UGGT2: variants seen among roughly 807,000 people sequenced by gnomAD.
UGGT2 encodes UDP-glucose:glycoprotein glucosyltransferase 2.
UGGT2 carries 180 observed loss-of-function variants against 192.1 expected under a neutral mutation model. That is an observed-to-expected ratio of 0.94 (90% CI 0.83 to 1.06). The LOEUF is 1.06. Ranked by LOEUF, UGGT2 falls within the 50% of genes least tolerant of loss-of-function variation. UGGT2 has a pLI of 0.00. For synonymous variants in UGGT2, 580 were observed against 591.0 expected, an observed-to-expected ratio of 0.98 and a Z score of 0.27; for missense variants, 1,849 against 1,795.7, an observed-to-expected ratio of 1.03 and a Z score of -0.54.
chr13:95,980,794 C>T (rs1046367371), intron 10 of UGGT2, among the ~76,000 whole-genome samples: 5 of 152,108 alleles, frequency 3.3e-5, no homozygotes, highest in South Asian at 2.1e-4. Context: ...GTCAGGAGTT[C>T]GTGACCAGCC....
At chr13:95,859,750 G>A in intron 32 of UGGT2, 75 bp from the exon 33 acceptor site, 1 of 1,108,200 alleles carries the variant, frequency 9.0e-7, no homozygotes, top group Non-Finnish European at 1.2e-6. Flanking sequence ...ACCTTGAAGT[G>A]TTTTTTAAAA....
At chr13:95,936,203 C>T (rs2049457793) in intron 17 of UGGT2, among the ~76,000 whole-genome samples, 1 of 152,200 alleles carries the variant, frequency 6.6e-6, no homozygotes, top group African/African-American at 2.4e-5. Flanking sequence ...ATTCTTTCTC[C>T]TGCTTGGTCC....
intron 9 of UGGT2, among the ~76,000 whole-genome samples, chr13:95,985,952 T>C (rs1164631531): frequency 6.6e-6 from 1 of 152,164 alleles, no homozygotes; most frequent in African/African-American, 2.4e-5. Flanking sequence ...TTGGCAGTAC[T>C]TTGGGCATAG....
intron 6 of UGGT2, 99 bp downstream of exon 6, chr13:95,999,112 A>T (rs2051716038): frequency 6.8e-6 from 5 of 740,414 alleles, no homozygotes; most frequent in Non-Finnish European, 1.1e-5. Context: ...GCCTCAAATG[A>T]ACATATGTAG....
chr13:95,866,252 C>T (rs878915736), intron 30 of UGGT2, among the ~76,000 whole-genome samples: 2 of 151,974 alleles, frequency 1.3e-5, no homozygotes, highest in Admixed American at 1.3e-4. Context: ...TTTCATGTTC[C>T]CAGCAATTAT....
chr13:95,851,670 G>A (rs1889059284), intron 36 of UGGT2, among the ~76,000 whole-genome samples: 1 of 152,088 alleles, frequency 6.6e-6, no homozygotes. Flanking sequence ...TTTTACCTAA[G>A]AAAAAAGATA....
At chr13:95,837,297 G>A in intron 36 of UGGT2, 95 bp from the exon 37 acceptor site, 1 of 827,066 alleles carries the variant, frequency 1.2e-6, no homozygotes, top group Non-Finnish European at 2.1e-6. Context: ...ACTGTAAACA[G>A]ATCATAAAAC....
intron 37 of UGGT2, among the ~76,000 whole-genome samples, 169 bp downstream of exon 37, chr13:95,836,917 G>GC (rs1332037788): frequency 3.9e-5 from 6 of 152,260 alleles, no homozygotes; most frequent in Admixed American, 6.5e-5. Context: ...GGTCTTGGGG[G>GC]CCCCCAAAAT....
Position 95,911,092 on chromosome 13 carries a change from G to T in UGGT2, c.2296-8032C>A, listed in dbSNP as rs1377553822. 2.6e-5 allele frequency among the ~76,000 whole-genome samples: 4 copies of T among 152,328 alleles called. No individual in the cohort carries two copies. In the East Asian group the frequency reaches 7.7e-4, roughly 29 times the overall value. The stretch of plus-strand genomic sequence containing the variant: ...CTTTGGGACACATTTAAAGCAGTGT[G>T]TAGAGGGAAATTTATACTACTAAAT... On this transcript the variant is annotated intron_variant, in intron 20 of 38. Coordinates refer to ENST00000376747, the MANE Select transcript of UGGT2 (RefSeq NM_020121.4).
At chr13:95,961,165 A>G (rs770555031) in intron 12 of UGGT2, among the ~76,000 whole-genome samples, 2 of 152,176 alleles carry the variant, frequency 1.3e-5, no homozygotes, top group Non-Finnish European at 2.9e-5. Context: ...ACAAGACACA[A>G]TTGTTAAAGA....
chr13:95,991,911 C>G (rs1237330473), intron 7 of UGGT2, among the ~76,000 whole-genome samples: 1 of 152,082 alleles, frequency 6.6e-6, no homozygotes, highest in African/African-American at 2.4e-5. Context: ...AAATGAATAG[C>G]CTTGGGAGAC....
intron 34 of UGGT2, among the ~76,000 whole-genome samples, chr13:95,854,961 C>A (rs1007609407): frequency 6.6e-6 from 1 of 151,542 alleles, no homozygotes; most frequent in Non-Finnish European, 1.5e-5. Flanking sequence ...TATGCTCAAG[C>A]CTTCTAGAAA....
At chr13:95,868,289 C>T (rs1890865748) in intron 29 of UGGT2, among the ~76,000 whole-genome samples, 1 of 152,136 alleles carries the variant, frequency 6.6e-6, no homozygotes, top group Non-Finnish European at 1.5e-5. Context: ...CTCTGTCCAA[C>T]AATCACCACT....
Position 96,008,359 on chromosome 13 carries a change from T to C in UGGT2, c.660+4948A>G, listed in dbSNP as rs566413492. On this transcript the variant is annotated intron_variant, in intron 5 of 38. Coordinates refer to ENST00000376747, the MANE Select transcript of UGGT2 (RefSeq NM_020121.4). ...CCTTTATCACCACTCCTATTCAACATAGTCCTGAAAGTCCTGGCCAGAGCA... is the reference window on the plus strand; with the variant it reads ...CCTTTATCACCACTCCTATTCAACACAGTCCTGAAAGTCCTGGCCAGAGCA... 2.3e-4 allele frequency among the ~76,000 whole-genome samples: 35 copies of C among 152,226 alleles called. 1 individual carries two copies. In the South Asian group the frequency reaches 3.7e-3, roughly 16 times the overall value.
chr13:95,938,659 T>C (rs952558653), intron 16 of UGGT2, among the ~76,000 whole-genome samples: 5 of 152,202 alleles, frequency 3.3e-5, no homozygotes, highest in Non-Finnish European at 5.9e-5. Flanking sequence ...CTCCTAAAGC[T>C]TATAGTTTAA....
chr13:95,989,381 C>T (rs1386239995), intron 8 of UGGT2: 1 of 158,424 alleles, frequency 6.3e-6, no homozygotes, highest in Non-Finnish European at 1.4e-5. Context: ...AGAAAGATGA[C>T]ATGTCCCCAT....
At chr13:95,806,048 A>C (rs868739297) in intron 38 of UGGT2, among the ~76,000 whole-genome samples, 4 of 151,442 alleles carry the variant, frequency 2.6e-5, no homozygotes, top group Admixed American at 6.6e-5. Flanking sequence ...AAAAAAAAAA[A>C]AAAACACACA....
chr13:95,926,892 T>C, intron 19 of UGGT2, 136 bp downstream of exon 19: 5 of 781,074 alleles, frequency 6.4e-6, no homozygotes, highest in Non-Finnish European at 7.9e-6. Flanking sequence ...TACTAAAAAA[T>C]TTACAAACTC....
intron 27 of UGGT2, among the ~76,000 whole-genome samples, chr13:95,882,692 G>A (rs962846213): frequency 1.3e-5 from 2 of 152,052 alleles, no homozygotes; most frequent in Non-Finnish European, 2.9e-5. Flanking sequence ...GTGTTCATCC[G>A]AACAACTTCT....
Sources: allele counts gnomAD v4.1 joint callset (sites outside exome capture counted in the v4.1 genomes callset), GRCh38; gene constraint gnomAD v4.1.1; transcripts MANE v1.5; gene names NCBI Gene and HGNC (gene_info 2026-07-23, HGNC 2026-07-21).